Variants in NUDCD3 observed in about 807,000 individuals in gnomAD.
NUDCD3 encodes the protein NudC domain containing 3.
NUDCD3 carries 13 observed loss-of-function variants against 39.7 expected under a neutral mutation model. The observed-to-expected ratio is 0.33, with a 90% CI of 0.21 to 0.52. The LOEUF (loss-of-function observed/expected upper bound fraction) is 0.52. Among genes scored for constraint, NUDCD3 ranks in the 20% least tolerant of loss-of-function variants. The pLI is 0.96. For missense variants in NUDCD3, 453 were observed against 458.1 expected (o/e 0.99, Z 0.10); for synonymous variants, 175 against 172.4 (o/e 1.02, Z -0.12).
intron 2 of NUDCD3, among the ~76,000 whole-genome samples, chr7:44,478,381 T>C (rs1800422311): frequency 6.6e-6 from 1 of 152,010 alleles, no homozygotes; most frequent in African/African-American, 2.4e-5. Flanking sequence ...TGAAACCCTG[T>C]CTCTACTAAA....
At position 44,404,527 on chromosome 7, in the gene NUDCD3, C is replaced by T. The variant is rs1563166822; in HGVS notation, c.699G>A (p.Gly233=). 6.2e-7 allele frequency: 1 copy of T among 1,614,016 alleles called. No homozygotes were observed. Among genetic ancestry groups the T allele is most frequent in the East Asian group, 2.2e-5 (1 of 44,872 alleles). Residue 233 remains glycine (G), a synonymous_variant, in exon 4 of 6, where the codon GGG becomes GGA. Coordinates refer to ENST00000355451, the MANE Select transcript of NUDCD3 (RefSeq NM_015332.4). ...GCTTCCCTTCCATGAGGACGCGCTC[C>T]CCATTTTCCTCCAGCATGGCCACAC... The part of the protein sequence containing the change: ...SIRVAMLEEN[G]ERVLMEGKLT...
chr7:44,453,406 A>G lies in NUDCD3; in HGVS notation c.510-25703T>C, dbSNP rs186851553. On this transcript the variant is annotated intron_variant, in intron 2 of 5. Coordinates refer to ENST00000355451, the MANE Select transcript of NUDCD3 (RefSeq NM_015332.4). ...AAATAATAATAAATAAACAATGTCC[A>G]TAGAATCCCATAGTGGTTTCTTTGG... is the stretch of plus-strand genomic sequence containing the variant. 1.0e-3 allele frequency among the ~76,000 whole-genome samples: 157 copies of G among 152,228 alleles called. 1 individual carries two copies. Among genetic ancestry groups the G allele is most frequent in the Middle Eastern group, 3.4e-3 (1 of 294 alleles).
At chr7:44,460,264 T>A (rs904936084) in intron 2 of NUDCD3, among the ~76,000 whole-genome samples, 2 of 152,312 alleles carry the variant, frequency 1.3e-5, no homozygotes, top group Non-Finnish European at 2.9e-5. Context: ...GTTAACAAAG[T>A]AGGAAATAAC....
chr7:44,449,969 A>T (rs1190537514), intron 2 of NUDCD3, among the ~76,000 whole-genome samples: 1 of 152,170 alleles, frequency 6.6e-6, no homozygotes, highest in East Asian at 1.9e-4. Context: ...AATATTTGCA[A>T]ATTATATATC....
intron 1 of NUDCD3, among the ~76,000 whole-genome samples, chr7:44,486,253 G>A (rs543792471): frequency 9.9e-5 from 15 of 152,284 alleles, no homozygotes; most frequent in South Asian, 4.1e-4. Context: ...GCTAGAATGC[G>A]GACAGGTATT....
At chr7:44,427,530 C>A in intron 3 of NUDCD3, 41 bp downstream of exon 3, 1 of 1,593,646 alleles carries the variant, frequency 6.3e-7, no homozygotes. Context: ...CTTTGACTGG[C>A]TTGGGTGAAG....
intron 4 of NUDCD3, chr7:44,402,857 G>A (rs1215309439): frequency 2.9e-6 from 1 of 350,864 alleles, no homozygotes; most frequent in Non-Finnish European, 5.8e-6. Flanking sequence ...GGGCAAGCTA[G>A]CCGGCCCCAG....
chr7:44,382,600 A>G lies in NUDCD3; in HGVS notation c.*3411T>C, dbSNP rs952515153. ...CAGACGGTAGAGAGGAGCCTCAGGG[A>G]CATAGCCCAGTTCTTCAGGACCGTG... On this transcript the variant is annotated 3_prime_UTR_variant, in exon 6 of 6. Coordinates refer to ENST00000355451, the MANE Select transcript of NUDCD3 (RefSeq NM_015332.4). 2 of 152,328 alleles carry G rather than the reference A, an allele frequency of 1.3e-5. No homozygotes were observed. Among genetic ancestry groups the G allele is most frequent in the African/African-American group, 4.8e-5 (2 of 41,460 alleles). 9.4% of individuals were successfully genotyped at this position (152,328 alleles called of 1,614,324 possible).
chr7:44,439,724 G>A (rs1161871894), intron 2 of NUDCD3, among the ~76,000 whole-genome samples: 1 of 151,978 alleles, frequency 6.6e-6, no homozygotes. Context: ...AAGAATAAAT[G>A]AACCACCCAT....
At chr7:44,462,645 G>A (rs1033334239) in intron 2 of NUDCD3, among the ~76,000 whole-genome samples, 3 of 152,198 alleles carry the variant, frequency 2.0e-5, no homozygotes, top group African/African-American at 7.2e-5. Context: ...TGTGGGCAGC[G>A]TTAGGTGTCC....
chr7:44,443,464 G>C (rs558568362), intron 2 of NUDCD3, among the ~76,000 whole-genome samples: 1 of 151,922 alleles, frequency 6.6e-6, no homozygotes, highest in Non-Finnish European at 1.5e-5. Flanking sequence ...AGGCTGGAGT[G>C]CAGTGGCGCC....
At chr7:44,413,993 C>T (rs1194931100) in intron 3 of NUDCD3, among the ~76,000 whole-genome samples, 1 of 150,980 alleles carries the variant, frequency 6.6e-6, no homozygotes, top group East Asian at 1.9e-4. Flanking sequence ...GAGGACAAGG[C>T]TGCAGCGGGC....
rs138873910 is a variant in NUDCD3, at chr7:44,403,135, C to T, written c.786+1305G>A. ...TTGCAGGCAGGAGAAGAGCACTTCT[C>T]TGGTCTTTGGCTGCTGAATGCCATG... On this transcript the variant is annotated intron_variant, in intron 4 of 5. Transcript: ENST00000355451. 3.0e-3 allele frequency among the ~76,000 whole-genome samples: 457 copies of T among 152,316 alleles called. 5 individuals carry two copies. Among genetic ancestry groups the T allele is most frequent in the African/African-American group, 0.01 (424 of 41,566 alleles).
intron 4 of NUDCD3, among the ~76,000 whole-genome samples, chr7:44,394,422 C>T (rs1585051096): frequency 6.6e-6 from 1 of 152,180 alleles, no homozygotes; most frequent in Non-Finnish European, 1.5e-5. Context: ...ACAAACTCTA[C>T]CTCGTCTTTA....
At chr7:44,394,744 C>T (rs140054759) in intron 4 of NUDCD3, among the ~76,000 whole-genome samples, 3 of 152,352 alleles carry the variant, frequency 2.0e-5, no homozygotes, top group African/African-American at 7.2e-5. Flanking sequence ...CAGAGCTACA[C>T]TGGGGCTGAC....
chr7:44,484,902 T>C (rs1320238718), intron 2 of NUDCD3, 66 bp downstream of exon 2: 1 of 1,208,748 alleles, frequency 8.3e-7, no homozygotes, highest in African/African-American at 1.5e-5. Context: ...AAGAATAAAT[T>C]ATGGAGAAAC....
chr7:44,426,507 G>C (rs575605180), intron 3 of NUDCD3, among the ~76,000 whole-genome samples: 11 of 152,280 alleles, frequency 7.2e-5, no homozygotes, highest in African/African-American at 2.6e-4. Flanking sequence ...TAAAAAAATA[G>C]CAAGGGAGGC....
intron 1 of NUDCD3, among the ~76,000 whole-genome samples, chr7:44,486,091 G>A (rs189073872): frequency 1.2e-3 from 183 of 152,322 alleles, no homozygotes; most frequent in Non-Finnish European, 1.7e-3. Flanking sequence ...GACCCTGAAT[G>A]AGAGGCACAT....
chr7:44,474,362 C>A (rs1055396455), intron 2 of NUDCD3, among the ~76,000 whole-genome samples: 1 of 152,166 alleles, frequency 6.6e-6, no homozygotes, highest in East Asian at 1.9e-4. Context: ...AGTTAGTCCA[C>A]GAGGTAGTTC....
Sources: allele counts gnomAD v4.1 joint callset (sites outside exome capture counted in the v4.1 genomes callset), GRCh38; gene constraint gnomAD v4.1.1; transcripts MANE v1.5; gene names NCBI Gene and HGNC (gene_info 2026-07-23, HGNC 2026-07-21).